ARHGAP20: variants seen among roughly 807,000 people sequenced by gnomAD.
ARHGAP20 encodes the protein rho GTPase-activating protein 20.
In ARHGAP20, 34 loss-of-function variants were observed where a neutral mutation model predicts 73.7. The observed-to-expected ratio is 0.46, with a 90% CI of 0.35 to 0.61. ARHGAP20 has a LOEUF of 0.61. ARHGAP20 is among the 20% of genes least tolerant of loss of function. The pLI, the probability that ARHGAP20 is intolerant of heterozygous loss-of-function variation, is 0.00. For missense variants in ARHGAP20, 1,314 were observed against 1,420.9 expected (o/e 0.92, Z 1.21); for synonymous variants, 523 against 518.2 (o/e 1.01, Z -0.13).
intron 1 of ARHGAP20, among the ~76,000 whole-genome samples, chr11:110,706,351 C>T (rs942371533): frequency 6.6e-6 from 1 of 152,102 alleles, no homozygotes; most frequent in African/African-American, 2.4e-5. Flanking sequence ...AAAATTAACA[C>T]CTACCTCATA....
Position 110,608,987 on chromosome 11 carries a change from T to C in ARHGAP20, c.772A>G (p.Ile258Val). 1 of 1,613,010 alleles carries C rather than the reference T, an allele frequency of 6.2e-7. No homozygotes were observed. Among genetic ancestry groups the C allele is most frequent in the Non-Finnish European group, 8.5e-7 (1 of 1,179,320 alleles). The change falls in exon 8 of 15, where the codon ATT (isoleucine) becomes GTT (valine). Residue 258 changes from isoleucine (I) to valine (V), a missense_variant. Physicochemically the swap from Ile to Val is conservative, Grantham distance 29 (BLOSUM62 3). Coordinates refer to ENST00000683387, the MANE Select transcript of ARHGAP20 (RefSeq NM_001384657.1). ...TTAGACTTTTGCAAAAACTTACCAA[T>C]GAGTGGGTATGGAGCCTCTTCTTTG... is the stretch of plus-strand genomic sequence containing the variant. ...SGKEEAPYPLIGHEYPYGIKM... is the reference protein window; with the variant it reads ...SGKEEAPYPLVGHEYPYGIKM...
At chr11:110,595,440 CAA>C (rs1356999965) in intron 9 of ARHGAP20, among the ~76,000 whole-genome samples, 2 of 152,208 alleles carry the variant, frequency 1.3e-5, no homozygotes, top group Admixed American at 6.5e-5. Flanking sequence ...GCAACTTCAG[CAA>C]AGTCTCAGGA....
chr11:110,655,794 T>C (rs1949453068), intron 2 of ARHGAP20, among the ~76,000 whole-genome samples: 1 of 152,114 alleles, frequency 6.6e-6, no homozygotes, highest in Admixed American at 6.6e-5. Context: ...CAAGTCCTAT[T>C]TTATAAATGA....
chr11:110,657,832 T>C (rs1477088733), intron 2 of ARHGAP20, among the ~76,000 whole-genome samples: 1 of 150,596 alleles, frequency 6.6e-6, no homozygotes, highest in African/African-American at 2.4e-5. Context: ...GAAGCGGAGG[T>C]TGCAGTGAGC....
At position 110,621,356 on chromosome 11, in the gene ARHGAP20, C is replaced by T. The variant is rs180803474; in HGVS notation, c.503+2806G>A. On this transcript the variant is annotated intron_variant, in intron 4 of 14. Coordinates refer to ENST00000683387, the MANE Select transcript of ARHGAP20 (RefSeq NM_001384657.1). ...ACCACTATTTTTTCAGCCCCATTTC[C>T]TCGCTCCTCTTTCTGTAATTCCAGT... Among the ~76,000 whole-genome samples the T allele has an allele frequency of 4.0e-3, 606 of 152,092 alleles. 6 individuals are homozygous for T. The highest frequency in any genetic ancestry group is 0.014 in the African/African-American group (566 of 41,510).
chr11:110,606,309 T>C (rs368755831), intron 9 of ARHGAP20, among the ~76,000 whole-genome samples: 18 of 152,226 alleles, frequency 1.2e-4, no homozygotes, highest in African/African-American at 4.1e-4. Context: ...GACTCTGCAG[T>C]AGGAATAAGG....
chr11:110,664,598 G>C (rs553829480), intron 2 of ARHGAP20, among the ~76,000 whole-genome samples: 46 of 151,458 alleles, frequency 3.0e-4, no homozygotes, highest in Non-Finnish European at 5.2e-4. Context: ...CGTTGTGGCG[G>C]GTGCCTGTAG....
At position 110,690,557 on chromosome 11, in the gene ARHGAP20, G is replaced by A. The variant is rs777674343; in HGVS notation, c.178C>T (p.Pro60Ser). 1 of 1,613,888 alleles carries A rather than the reference G, an allele frequency of 6.2e-7. No individual in the cohort carries two copies. The highest frequency in any genetic ancestry group is 1.1e-5 in the South Asian group (1 of 91,068). Residue 60 changes from proline (P) to serine (S), a missense_variant, in exon 2 of 15, where the codon CCT (proline) becomes TCT (serine). By Grantham distance (74) the Pro-to-Ser change is moderately conservative. Transcript: ENST00000683387. ...AAGCTTTGCACTTACCTGGTAGTAG[G>A]CCGTTTTTGTAGGGCTTTATCCAGG... ...LILDKALQKR[P>S]TTRDSPSASV...
intron 11 of ARHGAP20, among the ~76,000 whole-genome samples, chr11:110,590,159 A>AAAATAAAT (rs1242123558): frequency 6.6e-6 from 1 of 151,722 alleles, no homozygotes; most frequent in Non-Finnish European, 1.5e-5. Context: ...GATGATTATG[A>AAAATAAAT]AAATAAATGG....
At chr11:110,681,139 T>C (rs1481910773) in intron 2 of ARHGAP20, among the ~76,000 whole-genome samples, 2 of 152,198 alleles carry the variant, frequency 1.3e-5, no homozygotes, top group Non-Finnish European at 2.9e-5. Flanking sequence ...ATGGACCTTA[T>C]GTAGAGCCAA....
At chr11:110,633,174 T>A (rs1478209447) in intron 2 of ARHGAP20, among the ~76,000 whole-genome samples, 2 of 152,196 alleles carry the variant, frequency 1.3e-5, no homozygotes, top group Non-Finnish European at 2.9e-5. Flanking sequence ...AGGGCCAGGT[T>A]CATTTTTTTT....
chr11:110,619,805 T>C lies in ARHGAP20; in HGVS notation c.504-4211A>G, dbSNP rs553590520. 2.6e-5 allele frequency among the ~76,000 whole-genome samples: 4 copies of C among 152,174 alleles called. No homozygotes were observed. In the South Asian group the frequency reaches 8.3e-4, roughly 32 times the overall value. The stretch of plus-strand genomic sequence containing the variant: ...ATAGTGCATATGTAGTGATAGAGTA[T>C]ATGCAGTGATAGAGTATATGCAGTG... On this transcript the variant is annotated intron_variant, in intron 4 of 14. Coordinates refer to ENST00000683387, the MANE Select transcript of ARHGAP20 (RefSeq NM_001384657.1).
chr11:110,590,447 T>C (rs1947797356), intron 11 of ARHGAP20, among the ~76,000 whole-genome samples: 1 of 152,218 alleles, frequency 6.6e-6, no homozygotes, highest in South Asian at 2.1e-4. Context: ...ATATCTGATA[T>C]GTCATATCAT....
chr11:110,583,919 T>G (rs905793833), intron 12 of ARHGAP20, among the ~76,000 whole-genome samples, 182 bp from the exon 13 acceptor site: 1 of 152,092 alleles, frequency 6.6e-6, no homozygotes, highest in African/African-American at 2.4e-5. Flanking sequence ...AAAATAGGCA[T>G]TGGGAATTTA....
chr11:110,636,370 AC>A (rs1292702004), intron 2 of ARHGAP20, among the ~76,000 whole-genome samples: 2 of 152,152 alleles, frequency 1.3e-5, no homozygotes, highest in African/African-American at 4.8e-5. Flanking sequence ...ATCTGAAGTA[AC>A]TGGAAAATTA....
At chr11:110,630,205 C>T (rs1948829969) in intron 3 of ARHGAP20, among the ~76,000 whole-genome samples, 1 of 152,140 alleles carries the variant, frequency 6.6e-6, no homozygotes, top group South Asian at 2.1e-4. Context: ...GCTTTTCATC[C>T]TTCACTGAAT....
At chr11:110,657,882 G>C (rs1470238818) in intron 2 of ARHGAP20, among the ~76,000 whole-genome samples, 2 of 149,390 alleles carry the variant, frequency 1.3e-5, no homozygotes, top group African/African-American at 4.9e-5. Context: ...GTGACAGAGT[G>C]AGACTCCGAC....
chr11:110,626,556 C>A (rs1948748277), intron 3 of ARHGAP20, among the ~76,000 whole-genome samples: 1 of 152,214 alleles, frequency 6.6e-6, no homozygotes, highest in Non-Finnish European at 1.5e-5. Flanking sequence ...AAAAGTCACA[C>A]AGCTTAAGTA....
intron 3 of ARHGAP20, among the ~76,000 whole-genome samples, chr11:110,625,495 A>G (rs1948724997): frequency 6.6e-6 from 1 of 152,106 alleles, no homozygotes; most frequent in Non-Finnish European, 1.5e-5. Context: ...CATTTCTTAG[A>G]TTTTGTTCAA....
Sources: gnomAD v4.1 joint callset for allele counts (sites outside exome capture counted in the v4.1 genomes callset) on GRCh38, gnomAD v4.1.1 for gene constraint, MANE v1.5 for transcripts, NCBI Gene and HGNC (gene_info 2026-07-23, HGNC 2026-07-21) for gene names.